CSMD1: variants seen among roughly 807,000 people sequenced by gnomAD.
The protein encoded by CSMD1 is CUB and Sushi multiple domains 1.
In CSMD1, 213 loss-of-function variants were observed where a neutral mutation model predicts 417.5. The observed-to-expected ratio is 0.51, with a 90% CI of 0.46 to 0.57. The LOEUF is 0.57. CSMD1 is among the 20% of genes least tolerant of loss of function. The pLI, the probability that CSMD1 is intolerant of heterozygous loss-of-function variation, is 0.00. For missense variants in CSMD1, 6,923 were observed against 4,529.7 expected, an observed-to-expected ratio of 1.53 and a Z score of -15.17; for synonymous variants, 2,862 against 1,736.8, an observed-to-expected ratio of 1.65 and a Z score of -16.11.
chr8:3,388,914 C>G (rs760121221), intron 17 of CSMD1, among the ~76,000 whole-genome samples: 2 of 42,436 alleles, frequency 4.7e-5, no homozygotes, highest in African/African-American at 2.6e-4. Context: ...CACACACACA[C>G]ACACACACAC....
intron 33 of CSMD1, among the ~76,000 whole-genome samples, chr8:3,193,176 G>A (rs75536441): frequency 0.15 from 22,272 of 152,130 alleles, 1,836 homozygotes; most frequent in East Asian, 0.24. Context: ...GAGAGATACA[G>A]GGTATCACTA....
chr8:3,659,128 T>C (rs142520092), intron 7 of CSMD1, among the ~76,000 whole-genome samples: 21 of 152,266 alleles, frequency 1.4e-4, no homozygotes, highest in African/African-American at 4.8e-4. Context: ...AGCACATAAA[T>C]CCTTAAAATA....
intron 6 of CSMD1, among the ~76,000 whole-genome samples, chr8:3,737,980 T>C (rs996822282): frequency 5.9e-5 from 9 of 152,184 alleles, no homozygotes; most frequent in South Asian, 2.1e-4. Flanking sequence ...TTGTAATAAA[T>C]TGCAGAAGAA....
intron 1 of CSMD1, among the ~76,000 whole-genome samples, chr8:4,805,354 C>A (rs1018563771): frequency 6.6e-6 from 1 of 152,156 alleles, no homozygotes; most frequent in African/African-American, 2.4e-5. Flanking sequence ...AAGCACTCTG[C>A]CAATTCGTGG....
chr8:4,885,286 G>C (rs879782306), intron 1 of CSMD1, among the ~76,000 whole-genome samples: 2 of 151,996 alleles, frequency 1.3e-5, no homozygotes, highest in Admixed American at 6.6e-5. Flanking sequence ...ATGAGAGATA[G>C]TTTTCCTTCT....
intron 3 of CSMD1, among the ~76,000 whole-genome samples, chr8:4,245,273 C>G (rs1802635111): frequency 6.6e-6 from 1 of 152,162 alleles, no homozygotes; most frequent in Non-Finnish European, 1.5e-5. Flanking sequence ...AATTATATAA[C>G]TCTACATATG....
chr8:3,730,669 G>C (rs1336029200), intron 6 of CSMD1, among the ~76,000 whole-genome samples: 1 of 152,088 alleles, frequency 6.6e-6, no homozygotes, highest in Non-Finnish European at 1.5e-5. Flanking sequence ...ACCTTCACCA[G>C]CATTTACTAA....
At chr8:3,859,377 TATAA>T (rs2129104853) in intron 5 of CSMD1, among the ~76,000 whole-genome samples, 1 of 152,366 alleles carries the variant, frequency 6.6e-6, no homozygotes, top group Admixed American at 6.5e-5. Flanking sequence ...TACTTCTTTT[TATAA>T]ATATCTTTGG....
chr8:3,904,320 T>A (rs530155163), intron 5 of CSMD1, among the ~76,000 whole-genome samples: 1 of 152,138 alleles, frequency 6.6e-6, no homozygotes, highest in South Asian at 2.1e-4. Flanking sequence ...CCCAACATCA[T>A]CAAGCCCAGT....
chr8:4,949,574 G>T (rs948562326), intron 1 of CSMD1, among the ~76,000 whole-genome samples: 1 of 152,142 alleles, frequency 6.6e-6, no homozygotes, highest in African/African-American at 2.4e-5. Flanking sequence ...GGTATCCAGT[G>T]ATGCTGCCAA....
intron 10 of CSMD1, among the ~76,000 whole-genome samples, chr8:3,527,908 A>G (rs995786428): frequency 1.3e-5 from 2 of 152,178 alleles, no homozygotes; most frequent in Non-Finnish European, 2.9e-5. Context: ...CAGGCTGGCT[A>G]AGTCTTGGTT....
chr8:3,826,167 T>A (rs977881362), intron 5 of CSMD1, among the ~76,000 whole-genome samples: 2 of 151,952 alleles, frequency 1.3e-5, no homozygotes, highest in African/African-American at 4.8e-5. Flanking sequence ...TGACGAGGCT[T>A]TGACTGAGTT....
At chr8:4,445,135 CTGTTT>C (rs1798707634) in intron 2 of CSMD1, among the ~76,000 whole-genome samples, 1 of 152,104 alleles carries the variant, frequency 6.6e-6, no homozygotes, top group Non-Finnish European at 1.5e-5. Context: ...AGATACAGTG[CTGTTT>C]TAAGATTGGG....
At chr8:3,331,141 G>A (rs931680064) in intron 23 of CSMD1, among the ~76,000 whole-genome samples, 10 of 151,668 alleles carry the variant, frequency 6.6e-5, no homozygotes, top group Non-Finnish European at 1.3e-4. Flanking sequence ...AGGAGGCTGA[G>A]GCAGGAGAAT....
intron 50 of CSMD1, among the ~76,000 whole-genome samples, chr8:3,030,472 T>C (rs1810269666): frequency 6.6e-6 from 1 of 151,942 alleles, no homozygotes; most frequent in Non-Finnish European, 1.5e-5. Flanking sequence ...TTTTAAATTC[T>C]TTTTTTGTGT....
chr8:3,962,431 C>G (rs767233576), intron 5 of CSMD1, among the ~76,000 whole-genome samples: 1 of 152,180 alleles, frequency 6.6e-6, no homozygotes, highest in Non-Finnish European at 1.5e-5. Context: ...CCTCACCTCT[C>G]AGCTGGGTGA....
intron 6 of CSMD1, among the ~76,000 whole-genome samples, chr8:3,741,281 G>C (rs945952737): frequency 2.0e-5 from 3 of 150,456 alleles, no homozygotes; most frequent in Non-Finnish European, 4.4e-5. Flanking sequence ...GACTCCATGC[G>C]GTAGAGTTTA....
chr8:4,621,548 A>C (rs571586491), intron 2 of CSMD1, among the ~76,000 whole-genome samples: 5 of 152,244 alleles, frequency 3.3e-5, no homozygotes, highest in Admixed American at 3.3e-4. Flanking sequence ...ATATACATTG[A>C]ATTTTTTATT....
rs570931889 is a variant in CSMD1, at chr8:3,701,263, C to T, written c.1009+7151G>A. Among the ~76,000 whole-genome samples, 18 of 152,256 alleles carry T rather than the reference C, an allele frequency of 1.2e-4. No homozygotes were observed. In the South Asian group the frequency reaches 2.3e-3, roughly 19 times the overall value. On this transcript the variant is annotated intron_variant, in intron 7 of 69. Transcript: ENST00000635120. ...AGTCCATTCTGGAATTGGATCATCT[C>T]GGGACAACTTTCCGAAGATGAATAT...
Sources: gnomAD v4.1 joint callset for allele counts (sites outside exome capture counted in the v4.1 genomes callset) on GRCh38, gnomAD v4.1.1 for gene constraint, MANE v1.5 for transcripts, NCBI Gene and HGNC (gene_info 2026-07-23, HGNC 2026-07-21) for gene names.